Variants in TTC6 observed in about 807,000 individuals in gnomAD.
The protein encoded by TTC6 is tetratricopeptide repeat domain 6.
A neutral mutation model predicts 210.4 loss-of-function variants in TTC6; 172 were observed. The observed-to-expected ratio is 0.82, with a 90% CI of 0.72 to 0.93. The LOEUF (loss-of-function observed/expected upper bound fraction) is 0.93. Ranked by LOEUF, TTC6 falls within the 40% of genes least tolerant of loss-of-function variation. The pLI is 0.00. For missense variants in TTC6, 2,414 were observed against 2,318.1 expected (o/e 1.04, Z -0.85); for synonymous variants, 804 against 819.6 (o/e 0.98, Z 0.32).
At chr14:37,769,824 T>G (rs1006210761) in intron 14 of TTC6, among the ~76,000 whole-genome samples, 63 of 152,276 alleles carry the variant, frequency 4.1e-4, no homozygotes, top group East Asian at 2.3e-3. Flanking sequence ...CTGATATTAG[T>G]TATTTCTTGC....
chr14:37,815,955 G>T (rs902499024), intron 25 of TTC6, among the ~76,000 whole-genome samples: 2 of 151,180 alleles, frequency 1.3e-5, no homozygotes, highest in Non-Finnish European at 2.9e-5. Context: ...ATTTATTTTA[G>T]CCTTTTAAGT....
chr14:37,607,414 A>G (rs1011781293), intron 2 of TTC6, among the ~76,000 whole-genome samples: 50 of 152,204 alleles, frequency 3.3e-4, no homozygotes, highest in African/African-American at 1.1e-3. Context: ...AACCAGTGAC[A>G]TTATTTAGGT....
intron 1 of TTC6, among the ~76,000 whole-genome samples, chr14:37,626,711 T>C (rs945760231): frequency 3.3e-5 from 5 of 152,122 alleles, no homozygotes; most frequent in African/African-American, 1.2e-4. Flanking sequence ...AAGAAGCTGG[T>C]AACATACATA....
At chr14:37,802,581 C>T (rs2096109349) in intron 20 of TTC6, among the ~76,000 whole-genome samples, 1 of 151,998 alleles carries the variant, frequency 6.6e-6, no homozygotes, top group Non-Finnish European at 1.5e-5. Flanking sequence ...TTAAGCCATG[C>T]CCAATCTCCG....
chr14:37,756,707 A>G (rs1436355707), intron 14 of TTC6, among the ~76,000 whole-genome samples: 1 of 152,198 alleles, frequency 6.6e-6, no homozygotes, highest in Non-Finnish European at 1.5e-5. Flanking sequence ...CGACTCAGTC[A>G]TGGTGGATAA....
intron 1 of TTC6, among the ~76,000 whole-genome samples, chr14:37,671,008 T>A (rs977821643): frequency 6.6e-6 from 1 of 152,214 alleles, no homozygotes; most frequent in Non-Finnish European, 1.5e-5. Context: ...ATTTAGCAGC[T>A]TAAAACAATG....
intron 14 of TTC6, among the ~76,000 whole-genome samples, chr14:37,778,148 G>T (rs1566947871): frequency 6.6e-6 from 1 of 151,898 alleles, no homozygotes; most frequent in Non-Finnish European, 1.5e-5. Flanking sequence ...AGCTGGGGTG[G>T]TGTGCTGGTG....
exon 1 of TTC6, chr14:37,622,498 C>T (rs1472609089): frequency 1.3e-6 from 2 of 1,535,128 alleles, no homozygotes; most frequent in Non-Finnish European, 1.7e-6. Flanking sequence ...GGGTTCGGCA[C>T]GGCCAGACCC....
chr14:37,782,837 AG>A (rs1437937034), intron 14 of TTC6, among the ~76,000 whole-genome samples: 1 of 152,152 alleles, frequency 6.6e-6, no homozygotes, highest in Admixed American at 6.5e-5. Flanking sequence ...TTTAGCATGA[AG>A]GGCTGTTGAA....
intron 8 of TTC6, among the ~76,000 whole-genome samples, chr14:37,736,251 G>A (rs1570400): frequency 0.58 from 88,499 of 151,496 alleles, 26,729 homozygotes; most frequent in East Asian, 0.89. Flanking sequence ...AGCTGGATGT[G>A]GTGGCACGTG....
chr14:37,783,024 G>T (rs1300510079), intron 14 of TTC6, among the ~76,000 whole-genome samples: 13 of 152,256 alleles, frequency 8.5e-5, no homozygotes, highest in South Asian at 2.1e-4. Context: ...GCTGGATTCG[G>T]TTTGCCAGTA....
chr14:37,738,353 C>A (rs548360320), intron 9 of TTC6, among the ~76,000 whole-genome samples: 2 of 151,792 alleles, frequency 1.3e-5, no homozygotes, highest in South Asian at 4.2e-4. Context: ...GTTGTTAAAG[C>A]GCTTTTGAAA....
chr14:37,826,733 T>G (rs1300813429), intron 28 of TTC6, among the ~76,000 whole-genome samples: 1 of 152,136 alleles, frequency 6.6e-6, no homozygotes, highest in Admixed American at 6.6e-5. Flanking sequence ...AAAAATCTCA[T>G]GTTGAATGCA....
In TTC6 at chr14:37,715,169, C is replaced by CA. The variant is rs775127323; in HGVS notation, c.1713+383dup. On this transcript the variant is annotated intron_variant, in intron 6 of 30. Transcript: ENST00000553443. ...TGGGCAACAGAGAGAGTCCCTGTCT[C>CA]AAAAAAAAAATTATTGAAGACCTCA... Among the ~76,000 whole-genome samples the CA allele has an allele frequency of 2.9e-3, 425 of 148,294 alleles. 3 individuals are homozygous for CA. The highest frequency in any genetic ancestry group is 9.0e-3 in the African/African-American group (363 of 40,494).
chr14:37,714,205 C>T (rs1383548989), intron 5 of TTC6, among the ~76,000 whole-genome samples: 1 of 152,050 alleles, frequency 6.6e-6, no homozygotes, highest in Admixed American at 6.6e-5. Flanking sequence ...GACTTGATGC[C>T]TACACAGTTT....
At chr14:37,604,903 G>A (rs2095622212) in intron 1 of TTC6, among the ~76,000 whole-genome samples, 1 of 152,168 alleles carries the variant, frequency 6.6e-6, no homozygotes, top group Admixed American at 6.6e-5. Flanking sequence ...AACCCAAGAT[G>A]TCATTATATC....
intron 14 of TTC6, among the ~76,000 whole-genome samples, chr14:37,782,146 T>A (rs145135497): frequency 0.017 from 2,606 of 152,314 alleles, 71 homozygotes; most frequent in African/African-American, 0.054. Context: ...TAAAGTAGTT[T>A]TTTTTAGTTC....
intron 1 of TTC6, among the ~76,000 whole-genome samples, chr14:37,666,543 T>C (rs1463193848): frequency 2.0e-5 from 3 of 150,020 alleles, no homozygotes; most frequent in African/African-American, 7.3e-5. Flanking sequence ...GCGATGCAGG[T>C]AGAGTGCCTG....
At chr14:37,836,189 A>G (rs1475551281) in intron 29 of TTC6, among the ~76,000 whole-genome samples, 1 of 152,192 alleles carries the variant, frequency 6.6e-6, no homozygotes, top group Admixed American at 6.5e-5. Flanking sequence ...TAGAAATGTC[A>G]GAGTCAACCA....
Sources: gnomAD v4.1 joint callset for allele counts (sites outside exome capture counted in the v4.1 genomes callset) on GRCh38, gnomAD v4.1.1 for gene constraint, MANE v1.5 for transcripts, NCBI Gene and HGNC (gene_info 2026-07-23, HGNC 2026-07-21) for gene names.